The following CLECL1 variants were observed in gnomAD, a reference collection of about 807,000 sequenced individuals.
The protein encoded by CLECL1 is C-type lectin like 1.
the CLECL1 span, among the ~76,000 whole-genome samples, chr12:9,707,727 A>G: frequency 6.6e-6 from 1 of 152,184 alleles, no homozygotes; most frequent in South Asian, 2.1e-4. Flanking sequence ...CAAATACAAA[A>G]CTATGGGGTC....
At chr12:9,733,377 T>C, upstream of CLECL1, 3 of 667,698 alleles carry the variant, frequency 4.5e-6, no homozygotes, top group Non-Finnish European at 7.6e-6. Context: ...CACTTCCTCT[T>C]TTAGTTCAGG....
intron 2 of CLECL1, among the ~76,000 whole-genome samples, chr12:9,728,293 A>G (rs1866405159): frequency 5.3e-5 from 8 of 151,850 alleles, no homozygotes; most frequent in Admixed American, 6.6e-5. Context: ...AATAAAAGTA[A>G]ATATTTAATA....
At chr12:9,728,271 A>G (rs1017018332) in intron 2 of CLECL1, among the ~76,000 whole-genome samples, 1 of 151,918 alleles carries the variant, frequency 6.6e-6, no homozygotes, top group Non-Finnish European at 1.5e-5. Context: ...CCACATAAAC[A>G]CATCTGAAAG....
the CLECL1 span, among the ~76,000 whole-genome samples, chr12:9,709,503 T>C: frequency 1.8e-4 from 28 of 152,308 alleles, no homozygotes; most frequent in African/African-American, 6.3e-4. Flanking sequence ...AGATGACCCT[T>C]ATAGATAGAG....
At chr12:9,730,798 T>C (rs775819362) in intron 1 of CLECL1, among the ~76,000 whole-genome samples, 1 of 152,200 alleles carries the variant, frequency 6.6e-6, no homozygotes, top group Non-Finnish European at 1.5e-5. Context: ...CAAGCAATCT[T>C]ACTGCCTCAG....
chr12:9,733,074 C>G, upstream of CLECL1: 8 of 1,613,174 alleles, frequency 5.0e-6, no homozygotes, highest in Non-Finnish European at 6.8e-6. Flanking sequence ...TGATGTCCCA[C>G]TGAAGGGACA....
chr12:9,724,184 GA>G (rs71045296), intron 3 of CLECL1, among the ~76,000 whole-genome samples: 73,689 of 129,772 alleles, frequency 0.57, 19,065 homozygotes, highest in Middle Eastern at 0.66. Flanking sequence ...GCAACTCCAT[GA>G]AAAAAAAAAA....
At chr12:9,726,572 T>A (rs1448710033) in intron 3 of CLECL1, among the ~76,000 whole-genome samples, 2 of 152,016 alleles carry the variant, frequency 1.3e-5, no homozygotes, top group Non-Finnish European at 2.9e-5. Context: ...TTTGGAATGG[T>A]GGTTGAATAG....
chr12:9,703,766 T>A, the CLECL1 span, among the ~76,000 whole-genome samples: 2 of 152,204 alleles, frequency 1.3e-5, no homozygotes, highest in Non-Finnish European at 2.9e-5. Flanking sequence ...ATTTGTCATT[T>A]CTTTGTCTTA....
At chr12:9,724,360 G>C (rs1265132558) in intron 3 of CLECL1, among the ~76,000 whole-genome samples, 2 of 152,004 alleles carry the variant, frequency 1.3e-5, no homozygotes, top group Non-Finnish European at 2.9e-5. Flanking sequence ...AATTCTAAAG[G>C]AAAAGGACAA....
At chr12:9,729,063 A>G (rs1428451597) in intron 2 of CLECL1, among the ~76,000 whole-genome samples, 2 of 152,032 alleles carry the variant, frequency 1.3e-5, no homozygotes, top group Admixed American at 6.5e-5. Context: ...GCGTTTATTC[A>G]ATAAAACATT....
At chr12:9,717,123 C>T (rs11052653) in intron 2 of CLECL1, among the ~76,000 whole-genome samples, 6,145 of 152,230 alleles carry the variant, frequency 0.04, 203 homozygotes, top group Middle Eastern at 0.068. Context: ...AAAATTAGTT[C>T]AACAAGACTG....
downstream of CLECL1, among the ~76,000 whole-genome samples, chr12:9,722,002 A>G (rs1465698754): frequency 6.6e-6 from 1 of 152,188 alleles, no homozygotes; most frequent in African/African-American, 2.4e-5. Context: ...CGCATGTTCA[A>G]CCAGGTTTGT....
intron 3 of CLECL1, among the ~76,000 whole-genome samples, chr12:9,723,452 AC>A (rs1866339080): frequency 9.4e-6 from 1 of 106,022 alleles, no homozygotes; most frequent in Non-Finnish European, 2.0e-5. Context: ...ACACACACAC[AC>A]ACACACGCAC....
At chr12:9,725,785 T>C (rs930591267) in intron 3 of CLECL1, among the ~76,000 whole-genome samples, 18 of 151,944 alleles carry the variant, frequency 1.2e-4, no homozygotes, top group African/African-American at 4.3e-4. Flanking sequence ...TTGTAAGAAA[T>C]GAGGAAATCA....
chr12:9,733,244 A>T (rs34201389), upstream of CLECL1: 94,428 of 1,607,810 alleles, frequency 0.059, 3,089 homozygotes, highest in Admixed American at 0.073. Context: ...CTTGTATGAC[A>T]TGGAAGAAAT....
the CLECL1 span, among the ~76,000 whole-genome samples, chr12:9,706,659 A>T: frequency 1.8e-4 from 28 of 152,326 alleles, no homozygotes; most frequent in South Asian, 5.4e-3. Flanking sequence ...AATTACATTT[A>T]TTGGTTGGTG....
intron 3 of CLECL1, among the ~76,000 whole-genome samples, chr12:9,724,351 A>G (rs1256765445): frequency 6.6e-6 from 1 of 152,164 alleles, no homozygotes; most frequent in Non-Finnish European, 1.5e-5. Context: ...AATATGACCA[A>G]TTCTAAAGGA....
upstream of CLECL1, chr12:9,733,070 C>T (rs774196156): frequency 3.6e-5 from 58 of 1,613,688 alleles, no homozygotes; most frequent in Non-Finnish European, 4.7e-5. Flanking sequence ...CAAATGATGT[C>T]CCACTGAAGG....
Sources: gnomAD v4.1 joint callset for allele counts (sites outside exome capture counted in the v4.1 genomes callset) on GRCh38, gnomAD v4.1.1 for gene constraint, MANE v1.5 for transcripts, NCBI Gene and HGNC (gene_info 2026-07-23, HGNC 2026-07-21) for gene names.